SCLT1: variants seen among roughly 807,000 people sequenced by gnomAD.
SCLT1 encodes the protein sodium channel and clathrin linker 1, also known as sodium channel-associated protein 1.
A neutral mutation model predicts 112.8 loss-of-function variants in SCLT1; 78 were observed. The observed-to-expected ratio is 0.69, with a 90% CI of 0.58 to 0.83. SCLT1 has a LOEUF of 0.83. Among genes scored for constraint, SCLT1 ranks in the 40% least tolerant of loss-of-function variants. The pLI, the probability that SCLT1 is intolerant of heterozygous loss-of-function variation, is 0.00. For synonymous variants in SCLT1, 257 were observed against 254.7 expected (o/e 1.01, Z -0.09); for missense variants, 747 against 770.4 (o/e 0.97, Z 0.36).
At chr4:129,031,921 T>C (rs914709488) in intron 5 of SCLT1, among the ~76,000 whole-genome samples, 6 of 152,106 alleles carry the variant, frequency 3.9e-5, no homozygotes, top group Non-Finnish European at 8.8e-5. Context: ...CAAGCTACCA[T>C]TGACTTTCTT....
Position 128,975,261 on chromosome 4 carries a change from G to A in SCLT1, c.687-4793C>T, listed in dbSNP as rs574581772. ...TCACCGTGTTAGCCAGGACGGTCTC[G>A]ATCTGCTGACCTCATGGTCCGCCTG... is the stretch of plus-strand genomic sequence containing the variant. On this transcript the variant is annotated intron_variant, in intron 9 of 20. Coordinates refer to ENST00000281142, the MANE Select transcript of SCLT1 (RefSeq NM_144643.4). 2.3e-4 allele frequency among the ~76,000 whole-genome samples: 35 copies of A among 151,856 alleles called. 1 individual carries two copies. Among genetic ancestry groups the A allele is most frequent in the African/African-American group, 8.0e-4 (33 of 41,384 alleles).
intron 10 of SCLT1, 111 bp downstream of exon 10, chr4:128,970,267 T>C: frequency 1.5e-6 from 1 of 670,330 alleles, no homozygotes; most frequent in Non-Finnish European, 2.6e-6. Flanking sequence ...GGTATTAAAA[T>C]AATTAATTCA....
rs767602025 is a variant in SCLT1, at chr4:128,946,074, G to A, written c.1372C>T (p.Arg458Cys). The A allele has an allele frequency of 2.1e-5, 34 of 1,608,082 alleles. No individual in the cohort carries two copies. The East Asian group carries it at 4.5e-4, about 21-fold the overall frequency. ...EMHQRFLVSE[R>C]SKDDLQLRLT... Reference sequence around the variant, plus strand: ...CTTAGCTGAAGATCATCTTTTGAACGCTCTGAAACCAGGAATCTTTGGTGC... The same window carrying A: ...CTTAGCTGAAGATCATCTTTTGAACACTCTGAAACCAGGAATCTTTGGTGC... Residue 458 changes from arginine to cysteine, a missense_variant, in exon 16 of 21, where the codon CGT becomes TGT. Coordinates refer to ENST00000281142, the MANE Select transcript of SCLT1 (RefSeq NM_144643.4).
intron 2 of SCLT1, among the ~76,000 whole-genome samples, chr4:129,053,200 T>C (rs553073593): frequency 1.3e-5 from 2 of 152,164 alleles, no homozygotes; most frequent in Admixed American, 6.5e-5. Context: ...ATAACATATA[T>C]TCTGTTGATT....
chr4:128,956,544 C>T (rs76817143), intron 13 of SCLT1, among the ~76,000 whole-genome samples: 2,676 of 152,008 alleles, frequency 0.018, 97 homozygotes, highest in African/African-American at 0.062. Context: ...TTCTTTACAC[C>T]ATGATTCTGT....
intron 20 of SCLT1, among the ~76,000 whole-genome samples, chr4:128,887,311 G>A (rs950716143): frequency 1.3e-5 from 2 of 151,994 alleles, no homozygotes; most frequent in African/African-American, 4.8e-5. Flanking sequence ...TATTTGAAAA[G>A]GCTGTAATTA....
Position 129,087,749 on chromosome 4 carries a change from G to A in SCLT1, c.34+5321C>T, listed in dbSNP as rs183522210. On this transcript the variant is annotated intron_variant, in intron 1 of 20. Coordinates refer to ENST00000281142, the MANE Select transcript of SCLT1 (RefSeq NM_144643.4). ...GCCTGGGTGACAGTGAGACCCTTGC[G>A]CAAGTTAAAAAAAAAAAAAAAAAAA... Among the ~76,000 whole-genome samples, 203 of 106,024 alleles carry A rather than the reference G, an allele frequency of 1.9e-3. 2 individuals carry two copies. The highest frequency in any genetic ancestry group is 5.7e-3 in the African/African-American group (178 of 31,052). 69.6% of individuals were successfully genotyped at this position (106,024 alleles called of 152,430 possible).
intron 14 of SCLT1, among the ~76,000 whole-genome samples, chr4:128,949,443 T>C (rs1738501246): frequency 1.3e-5 from 2 of 152,050 alleles, no homozygotes; most frequent in South Asian, 4.1e-4. Flanking sequence ...GTTTGTTACA[T>C]ATGTATACGT....
intron 13 of SCLT1, 107 bp from the exon 14 acceptor site, chr4:128,952,947 T>G: frequency 1.5e-6 from 1 of 677,908 alleles, no homozygotes; most frequent in Non-Finnish European, 2.6e-6. Flanking sequence ...ATTGTAACTT[T>G]TAGGGCATAA....
rs150697281 is a variant in SCLT1, at chr4:128,905,980, A to T, written c.1830-14843T>A. 3.9e-4 allele frequency among the ~76,000 whole-genome samples: 60 copies of T among 152,228 alleles called. 1 individual carries two copies. The highest frequency in any genetic ancestry group is 1.3e-3 in the African/African-American group (55 of 41,536). On this transcript the variant is annotated intron_variant, in intron 18 of 20. Transcript: ENST00000281142. ...TTCTCTTACAGCCTCTCCCCACTAG[A>T]ATGAAAACTCCTAAGGAGAAGCTAC... is the stretch of plus-strand genomic sequence containing the variant.
At chr4:129,040,160 T>A (rs1747576138) in intron 4 of SCLT1, 1 of 702,452 alleles carries the variant, frequency 1.4e-6, no homozygotes, top group Admixed American at 2.0e-5. Context: ...AATAGCAAAT[T>A]CTAACTATAA....
intron 5 of SCLT1, among the ~76,000 whole-genome samples, chr4:129,011,482 C>T (rs771087721): frequency 6.6e-6 from 1 of 151,980 alleles, no homozygotes; most frequent in Non-Finnish European, 1.5e-5. Context: ...GTTTTTGTAC[C>T]AGTACCATGC....
intron 9 of SCLT1, among the ~76,000 whole-genome samples, chr4:128,983,154 C>T (rs573304450): frequency 1.3e-5 from 2 of 152,340 alleles, no homozygotes; most frequent in Non-Finnish European, 1.5e-5. Flanking sequence ...TCCCAAAGTG[C>T]TAGGATTACA....
intron 18 of SCLT1, among the ~76,000 whole-genome samples, chr4:128,896,110 G>T (rs1560811929): frequency 1.3e-5 from 2 of 152,232 alleles, no homozygotes; most frequent in Non-Finnish European, 2.9e-5. Flanking sequence ...CACCTCTGGG[G>T]GCAGGGCATT....
At chr4:129,062,097 A>G (rs911957661) in intron 2 of SCLT1, among the ~76,000 whole-genome samples, 2 of 152,106 alleles carry the variant, frequency 1.3e-5, no homozygotes, top group African/African-American at 4.8e-5. Context: ...CCAAGGAGTT[A>G]ATGCAGGCTG....
rs1752018684 is a variant in SCLT1 at position 129,082,383 on chromosome 4, G to A, written c.35-10C>T. The A allele has an allele frequency of 6.4e-7, 1 of 1,568,630 alleles. No individual in the cohort carries two copies. The highest frequency in any genetic ancestry group is 8.7e-7 in the Non-Finnish European group (1 of 1,151,600). On this transcript the variant is annotated splice_polypyrimidine_tract_variant and intron_variant, in intron 1 of 20. Coordinates refer to ENST00000281142, the MANE Select transcript of SCLT1 (RefSeq NM_144643.4). ...TCATTTAGTCTTCGATCTGAAACAA[G>A]CGGGAAAACAGATTTCAGTTCATTG... is the stretch of plus-strand genomic sequence containing the variant.
intron 2 of SCLT1, among the ~76,000 whole-genome samples, chr4:129,075,553 T>C (rs867850401): frequency 8.5e-5 from 13 of 152,266 alleles, no homozygotes; most frequent in African/African-American, 2.9e-4. Flanking sequence ...CAAGCATATA[T>C]AACTATTTAA....
At chr4:128,906,351 C>T (rs113216379) in intron 18 of SCLT1, among the ~76,000 whole-genome samples, 3,183 of 152,168 alleles carry the variant, frequency 0.021, 63 homozygotes, top group Non-Finnish European at 0.031. Flanking sequence ...GTGCCCACCA[C>T]CACACCTGGC....
Position 128,959,661 on chromosome 4 carries a change from G to A in SCLT1, c.986C>T (p.Ala329Val). The change falls in exon 12 of 21, where the codon GCT (alanine) becomes GTT (valine). Residue 329 changes from alanine (A) to valine (V), a missense_variant. By Grantham distance (64) the Ala-to-Val change is moderately conservative. Around this residue, in one of 2 missense-constraint regions of SCLT1, gnomAD observed 723 missense variants for 721.3 expected, o/e 1.00. Coordinates refer to ENST00000281142, the MANE Select transcript of SCLT1 (RefSeq NM_144643.4). ...CNELENERYE[A>V]IVRARNSMQL... The stretch of plus-strand genomic sequence containing the variant: ...CATGCTATTTCTGGCTCTTACAATA[G>A]CCTCATATCTCTCATTTTCTAATTC... The A allele has an allele frequency of 6.2e-7, 1 of 1,613,278 alleles. No homozygotes were observed. Among genetic ancestry groups the A allele is most frequent in the Non-Finnish European group, 8.5e-7 (1 of 1,179,564 alleles).
Sources: gnomAD v4.1 joint callset for allele counts (sites outside exome capture counted in the v4.1 genomes callset) on GRCh38, gnomAD v4.1.1 for gene constraint, gnomAD v4.1.1 regional missense constraint, MANE v1.5 for transcripts, NCBI Gene and HGNC (gene_info 2026-07-23, HGNC 2026-07-21) for gene names.